Variants in PLCG2 observed in about 807,000 individuals in gnomAD.
PLCG2 encodes the protein 1-phosphatidylinositol 4,5-bisphosphate phosphodiesterase gamma-2.
PLCG2 carries 69 observed loss-of-function variants against 175.6 expected under a neutral mutation model. The ratio of observed to expected loss-of-function variants is 0.39; its 90% CI spans 0.32 to 0.48. PLCG2 has a LOEUF of 0.48. Among genes scored for constraint, PLCG2 ranks in the 20% least tolerant of loss-of-function variants. The pLI, the probability that PLCG2 is intolerant of heterozygous loss-of-function variation, is 0.91. For missense variants in PLCG2, 1,798 were observed against 1,650.9 expected, an observed-to-expected ratio of 1.09 and a Z score of -1.54; for synonymous variants, 827 against 624.0, an observed-to-expected ratio of 1.33 and a Z score of -4.85.
At chr16:81,811,593 C>T (rs1041807975) in intron 2 of PLCG2, among the ~76,000 whole-genome samples, 8 of 152,158 alleles carry the variant, frequency 5.3e-5, no homozygotes, top group South Asian at 2.1e-4. Flanking sequence ...TTGTTCAACT[C>T]GCACTTAAGA....
intron 2 of PLCG2, among the ~76,000 whole-genome samples, chr16:81,786,946 C>T (rs1412992935): frequency 2.6e-5 from 4 of 152,212 alleles, no homozygotes; most frequent in Non-Finnish European, 4.4e-5. Context: ...CTTTTATCTT[C>T]CAAAATAGTC....
intron 1 of PLCG2, among the ~76,000 whole-genome samples, chr16:81,742,406 A>G (rs1909615476): frequency 6.6e-6 from 1 of 152,112 alleles, no homozygotes; most frequent in Non-Finnish European, 1.5e-5. Flanking sequence ...CTGCCTGTGT[A>G]TGACTCTAAG....
chr16:81,952,453 T>C (rs1329108143), intron 31 of PLCG2, among the ~76,000 whole-genome samples: 1 of 152,140 alleles, frequency 6.6e-6, no homozygotes, highest in Non-Finnish European at 1.5e-5. Context: ...AGACAAGTGG[T>C]TGATTTCCAG....
chr16:81,939,407 C>A (rs969054840), intron 29 of PLCG2, among the ~76,000 whole-genome samples: 1 of 152,160 alleles, frequency 6.6e-6, no homozygotes, highest in African/African-American at 2.4e-5. Flanking sequence ...ATCCTTGCCC[C>A]TGGTAAAAAG....
At chr16:81,759,640 C>T (rs1376749467) in intron 2 of PLCG2, among the ~76,000 whole-genome samples, 1 of 152,230 alleles carries the variant, frequency 6.6e-6, no homozygotes, top group Non-Finnish European at 1.5e-5. Context: ...GAGCCCCTGT[C>T]ATCCAAACTC....
intron 7 of PLCG2, among the ~76,000 whole-genome samples, chr16:81,880,019 C>T (rs1255848347): frequency 6.6e-6 from 1 of 152,194 alleles, no homozygotes; most frequent in Admixed American, 6.5e-5. Flanking sequence ...GAGGGAGCAT[C>T]TCTTGAGGCC....
intron 10 of PLCG2, among the ~76,000 whole-genome samples, chr16:81,890,729 C>T (rs1908592163): frequency 6.6e-6 from 1 of 152,160 alleles, no homozygotes; most frequent in Admixed American, 6.5e-5. Context: ...AGGCCCAGAT[C>T]GCTAAAGCAT....
chr16:81,778,928 T>C (rs1248203885), upstream of PLCG2, among the ~76,000 whole-genome samples: 2 of 152,200 alleles, frequency 1.3e-5, no homozygotes, highest in Non-Finnish European at 1.5e-5. Flanking sequence ...CCCAAAGAGC[T>C]GGGATGACAG....
intron 7 of PLCG2, among the ~76,000 whole-genome samples, chr16:81,871,160 C>A (rs1421827993): frequency 6.6e-6 from 1 of 152,148 alleles, no homozygotes; most frequent in African/African-American, 2.4e-5. Context: ...TGTTCATATG[C>A]CTTCCTGGTG....
intron 7 of PLCG2, among the ~76,000 whole-genome samples, chr16:81,878,607 A>C (rs942739400): frequency 6.6e-6 from 1 of 151,968 alleles, no homozygotes; most frequent in African/African-American, 2.4e-5. Context: ...CTGTCTCTTG[A>C]GTCTATTCCC....
At position 81,784,050 on chromosome 16, in the gene PLCG2, C is replaced by T. The variant is rs556273068; in HGVS notation, c.-47-1893C>T. Among the ~76,000 whole-genome samples, 11 of 152,320 alleles carry T rather than the reference C, an allele frequency of 7.2e-5. No individual in the cohort carries two copies. In the South Asian group the frequency reaches 2.3e-3, roughly 32 times the overall value. On this transcript the variant is annotated intron_variant, in intron 1 of 32. Transcript: ENST00000564138. The stretch of plus-strand genomic sequence containing the variant: ...GCCGTGCCCCCAGTGCATGCTTCTG[C>T]TGCTGCACTTGTAACTACATTAGAA...
At chr16:81,826,621 A>G (rs1196717594) in intron 2 of PLCG2, among the ~76,000 whole-genome samples, 3 of 152,174 alleles carry the variant, frequency 2.0e-5, no homozygotes, top group African/African-American at 7.2e-5. Flanking sequence ...CAGTGCTTCA[A>G]ATGGTGATAG....
At chr16:81,850,260 G>C (rs1906336451) in intron 2 of PLCG2, among the ~76,000 whole-genome samples, 1 of 152,198 alleles carries the variant, frequency 6.6e-6, no homozygotes, top group African/African-American at 2.4e-5. Flanking sequence ...GGTTCTATAA[G>C]AAAGTGTGCT....
chr16:81,809,816 A>G lies in PLCG2; in HGVS notation c.193+23634A>G, dbSNP rs568329415. On this transcript the variant is annotated intron_variant, in intron 2 of 32. Transcript: ENST00000564138. ...TATTGCTGCCCTCAGCAGAGTCAGG[A>G]TTTTTTGGCCGGGGCGGGGGGTGGG... Among the ~76,000 whole-genome samples the G allele has an allele frequency of 4.5e-5, 5 of 111,196 alleles. No individual in the cohort carries two copies. In the South Asian group the frequency reaches 1.7e-3, roughly 38 times the overall value. 72.9% of individuals were successfully genotyped at this position (111,196 alleles called of 152,430 possible). A position where few individuals can be genotyped will look rare whatever the true frequency, so the allele number is the denominator to read the frequency against.
At chr16:81,840,420 C>G in intron 2 of PLCG2, among the ~76,000 whole-genome samples, 1 of 152,150 alleles carries the variant, frequency 6.6e-6, no homozygotes, top group Admixed American at 6.5e-5. Flanking sequence ...TGATTGTGTA[C>G]TTCATTTATA....
chr16:81,791,562 G>T (rs1187630225), intron 2 of PLCG2, among the ~76,000 whole-genome samples: 1 of 152,088 alleles, frequency 6.6e-6, no homozygotes, highest in South Asian at 2.1e-4. Flanking sequence ...GCTTAGCTGG[G>T]ATTATTTTTT....
chr16:81,918,737 C>T (rs568566532), intron 19 of PLCG2, among the ~76,000 whole-genome samples: 1 of 152,120 alleles, frequency 6.6e-6, no homozygotes, highest in Non-Finnish European at 1.5e-5. Flanking sequence ...TTGGGGTAGA[C>T]ATTTTTAAAA....
intron 1 of PLCG2, among the ~76,000 whole-genome samples, chr16:81,780,094 G>T (rs112299980): frequency 1.3e-5 from 2 of 152,176 alleles, no homozygotes; most frequent in African/African-American, 4.8e-5. Flanking sequence ...CCAGCAGGAC[G>T]GTGGGGCGGG....
chr16:81,888,925 T>A (rs1908500915), intron 9 of PLCG2, among the ~76,000 whole-genome samples: 1 of 152,156 alleles, frequency 6.6e-6, no homozygotes, highest in Non-Finnish European at 1.5e-5. Context: ...AGTTGAGTGG[T>A]TGCGACAGAC....
Sources: allele counts gnomAD v4.1 joint callset (sites outside exome capture counted in the v4.1 genomes callset), GRCh38; gene constraint gnomAD v4.1.1; transcripts MANE v1.5; gene names NCBI Gene and HGNC (gene_info 2026-07-23, HGNC 2026-07-21).